The following SMPX variants were observed in gnomAD, a reference collection of about 807,000 sequenced individuals.
SMPX encodes the protein small muscular protein.
In SMPX, 2 loss-of-function variants were observed where a neutral mutation model predicts 6.3. The ratio of observed to expected loss-of-function variants is 0.32; its 90% CI spans 0.13 to 0.99. The LOEUF (loss-of-function observed/expected upper bound fraction) is 0.99. Ranked by LOEUF, SMPX falls within the 50% of genes least tolerant of loss-of-function variation. SMPX has a pLI of 0.49. For missense variants in SMPX, 60 were observed against 66.8 expected, an observed-to-expected ratio of 0.90 and a Z score of 0.36; for synonymous variants, 32 against 24.7, an observed-to-expected ratio of 1.30 and a Z score of -0.88.
chrX:21,747,984 A>G (rs751587047), intron 2 of SMPX, among the ~76,000 whole-genome samples: 40 of 111,964 alleles, frequency 3.6e-4, no homozygotes, highest in Non-Finnish European at 6.8e-4. Flanking sequence ...TCCTATTCTC[A>G]TAGTCTTAGT....
chrX:21,715,303 T>C (rs6629417), intron 4 of SMPX, among the ~76,000 whole-genome samples: 7,666 of 85,882 alleles, frequency 0.089, 292 homozygotes, highest in Middle Eastern at 0.13. Context: ...TGTGTGTGTG[T>C]GCGCGCACGC....
chrX:21,721,528 C>T (rs1451571792), intron 4 of SMPX, among the ~76,000 whole-genome samples: 1 of 112,475 alleles, frequency 8.9e-6, no homozygotes, highest in Non-Finnish European at 1.9e-5. Context: ...CATCAAAGGA[C>T]GCTCTGAGAA....
intron 2 of SMPX, among the ~76,000 whole-genome samples, chrX:21,744,237 C>T (rs1355825627): frequency 9.0e-6 from 1 of 111,592 alleles, no homozygotes; most frequent in African/African-American, 3.3e-5. Context: ...CACACCTTAG[C>T]CCTCCTTCCG....
At chrX:21,724,085 A>G (rs2092794517) in intron 4 of SMPX, among the ~76,000 whole-genome samples, 1 of 112,131 alleles carries the variant, frequency 8.9e-6, no homozygotes, top group Non-Finnish European at 1.9e-5. Context: ...TTGGCTCGGA[A>G]TGACTCCCAG....
At chrX:21,744,267 A>G (rs1291066923) in intron 2 of SMPX, among the ~76,000 whole-genome samples, 2 of 111,544 alleles carry the variant, frequency 1.8e-5, no homozygotes, top group African/African-American at 6.5e-5. Flanking sequence ...AATTTACCAC[A>G]TGGGAGGGGA....
chrX:21,733,199 G>A (rs2092806783), intron 4 of SMPX, among the ~76,000 whole-genome samples: 1 of 111,886 alleles, frequency 8.9e-6, no homozygotes, highest in Admixed American at 9.5e-5. Flanking sequence ...ACTAACTTGA[G>A]ATTATGAGGC....
chrX:21,734,849 G>T (rs1421723246), intron 4 of SMPX, among the ~76,000 whole-genome samples: 1 of 111,820 alleles, frequency 8.9e-6, no homozygotes, highest in Non-Finnish European at 1.9e-5. Context: ...GGCATGGAAA[G>T]AATCTGAAAT....
At chrX:21,710,331 C>T (rs758724205) in intron 4 of SMPX, among the ~76,000 whole-genome samples, 3 of 111,463 alleles carry the variant, frequency 2.7e-5, no homozygotes, top group Non-Finnish European at 5.7e-5. Flanking sequence ...TGTATGTTCT[C>T]ATAAGTGAAG....
rs2092811568 is a variant in SMPX, at chrX:21,737,420, A to G, written c.*14+129T>C. ...TTAACCAGAAAACTGCACCAGAAAT[A>G]CTGACTTAAATTGAAGGCACCTGGT... is the stretch of plus-strand genomic sequence containing the variant. On this transcript the variant is annotated intron_variant, in intron 4 of 4. Transcript: ENST00000379494. 4 of 613,235 alleles carry G rather than the reference A, an allele frequency of 6.5e-6. No homozygotes were observed. The African/African-American group carries it at 8.9e-5, about 14-fold the overall frequency. 50.5% of individuals were successfully genotyped at this position (613,235 alleles called of 1,213,427 possible). A position where few individuals can be genotyped will look rare whatever the true frequency, so the allele number is the denominator to read the frequency against.
intron 4 of SMPX, among the ~76,000 whole-genome samples, chrX:21,735,289 A>T (rs1423628562): frequency 8.9e-6 from 1 of 112,401 alleles, no homozygotes; most frequent in African/African-American, 3.2e-5. Context: ...TACAAAAAGT[A>T]AAGATCATTC....
chrX:21,722,515 G>T (rs917002515), intron 4 of SMPX, among the ~76,000 whole-genome samples: 4 of 112,246 alleles, frequency 3.6e-5, no homozygotes, highest in Admixed American at 9.4e-5. Flanking sequence ...CAGATGATGG[G>T]CTGGATTTGG....
intron 4 of SMPX, among the ~76,000 whole-genome samples, chrX:21,709,082 AT>A (rs978609203): frequency 2.7e-5 from 3 of 112,069 alleles, no homozygotes; most frequent in African/African-American, 9.7e-5. Flanking sequence ...TTGTTTACTA[AT>A]TTTTTTAAGA....
intron 3 of SMPX, among the ~76,000 whole-genome samples, chrX:21,738,836 T>C (rs774571760): frequency 3.6e-5 from 4 of 110,830 alleles, no homozygotes. Context: ...GGCACTGAAG[T>C]CTGAGATGCT....
chrX:21,725,606 G>T (rs750877527), intron 4 of SMPX, among the ~76,000 whole-genome samples: 15 of 112,302 alleles, frequency 1.3e-4, no homozygotes, highest in Admixed American at 1.3e-3. Context: ...TTGTAATTTT[G>T]CTGTCTTGAG....
At chrX:21,754,444 A>G (rs1351446974) in intron 1 of SMPX, 142 bp from the exon 2 acceptor site, 1 of 537,988 alleles carries the variant, frequency 1.9e-6, no homozygotes, top group Non-Finnish European at 3.3e-6. Flanking sequence ...TTCCAAAGTT[A>G]CGAAGACACT....
intron 2 of SMPX, among the ~76,000 whole-genome samples, chrX:21,750,393 TAA>T (rs1285396153): frequency 8.9e-6 from 1 of 112,040 alleles, no homozygotes; most frequent in Admixed American, 9.5e-5. Context: ...ATTTTGTAAA[TAA>T]AGTTTCATTG....
At chrX:21,739,695 G>A (rs1274912894) in intron 3 of SMPX, among the ~76,000 whole-genome samples, 2 of 112,397 alleles carry the variant, frequency 1.8e-5, no homozygotes, top group Non-Finnish European at 3.8e-5. Context: ...GTGTGTATGT[G>A]TTTTATATAT....
intron 3 of SMPX, among the ~76,000 whole-genome samples, chrX:21,742,840 G>T (rs2092817457): frequency 8.9e-6 from 1 of 112,163 alleles, no homozygotes; most frequent in Non-Finnish European, 1.9e-5. Context: ...AATGTCACTT[G>T]GTAAACTTAA....
intron 2 of SMPX, among the ~76,000 whole-genome samples, chrX:21,747,914 T>C (rs1192266862): frequency 8.9e-6 from 1 of 111,912 alleles, no homozygotes; most frequent in Non-Finnish European, 1.9e-5. Flanking sequence ...GCCATTCTTC[T>C]GTAGCACGGG....
Sources: allele counts gnomAD v4.1 joint callset (sites outside exome capture counted in the v4.1 genomes callset), GRCh38; gene constraint gnomAD v4.1.1; transcripts MANE v1.5; gene names NCBI Gene and HGNC (gene_info 2026-07-23, HGNC 2026-07-21).